The following ANAPC4 variants were observed in gnomAD, a reference collection of about 807,000 sequenced individuals.
The protein encoded by ANAPC4 is anaphase-promoting complex subunit 4.
Under a neutral mutation model 119.8 loss-of-function variants are expected in ANAPC4, and 63 were observed. The observed-to-expected ratio is 0.53, with a 90% CI of 0.43 to 0.65. The LOEUF (loss-of-function observed/expected upper bound fraction) is 0.65. Ranked by LOEUF, ANAPC4 falls within the 30% of genes least tolerant of loss-of-function variation. ANAPC4 has a pLI of 0.00. For synonymous variants in ANAPC4, 283 were observed against 318.6 expected (o/e 0.89, Z 1.19); for missense variants, 716 against 945.1 (o/e 0.76, Z 3.18).
intron 13 of ANAPC4, 32 bp from the exon 14 acceptor site, chr4:25,394,797 G>A (rs1722547769): frequency 1.0e-5 from 16 of 1,597,136 alleles, no homozygotes; most frequent in Non-Finnish European, 1.4e-5. Flanking sequence ...TATCCTGATT[G>A]TATGCTAAAT....
At position 25,383,400 on chromosome 4, in the gene ANAPC4, A is replaced by G. The variant is rs753691993; in HGVS notation, c.368+7A>G. The G allele has an allele frequency of 1.3e-5, 20 of 1,598,012 alleles. No homozygotes were observed. Among genetic ancestry groups the G allele is most frequent in the Non-Finnish European group, 1.5e-5 (18 of 1,174,878 alleles). ...AAGTGACAGTAGAAAGCAGGTAATT[A>G]GAAAAACTTATGTAGTCATAGGGTA... On this transcript the variant is annotated splice_region_variant and intron_variant, in intron 4 of 28. Transcript: ENST00000315368.
intron 21 of ANAPC4, 119 bp downstream of exon 21, chr4:25,409,910 C>T (rs41267449): frequency 0.018 from 11,890 of 647,386 alleles, 144 homozygotes; most frequent in South Asian, 0.025. Flanking sequence ...GTTTATTAGA[C>T]TTATATTTAT....
chr4:25,403,927 A>G (rs1370179582), intron 17 of ANAPC4, among the ~76,000 whole-genome samples: 1 of 152,258 alleles, frequency 6.6e-6, no homozygotes, highest in Non-Finnish European at 1.5e-5. Flanking sequence ...TTCACTCTGC[A>G]GTATATGCAT....
chr4:25,393,256 A>G (rs552721560), intron 10 of ANAPC4, among the ~76,000 whole-genome samples: 1 of 152,214 alleles, frequency 6.6e-6, no homozygotes, highest in African/African-American at 2.4e-5. Context: ...TATTTGTTTC[A>G]CCAGATAAAA....
At chr4:25,394,547 A>AATTTTTTG in intron 12 of ANAPC4, 124 bp from the exon 13 acceptor site, 1 of 1,160,816 alleles carries the variant, frequency 8.6e-7, no homozygotes, top group South Asian at 1.6e-5. Flanking sequence ...ACATGCGTAG[A>AATTTTTTG]ATTTTTTGTG....
intron 8 of ANAPC4, among the ~76,000 whole-genome samples, chr4:25,390,464 A>G (rs1722286140): frequency 1.3e-5 from 2 of 152,132 alleles, no homozygotes; most frequent in African/African-American, 4.8e-5. Flanking sequence ...GATTAGTATG[A>G]TACACTTGAT....
chr4:25,416,703 T>A, intron 27 of ANAPC4, 105 bp downstream of exon 27: 1 of 940,486 alleles, frequency 1.1e-6, no homozygotes, highest in Non-Finnish European at 1.5e-6. Flanking sequence ...ATTTCGTTAC[T>A]AGAGATAACC....
intron 9 of ANAPC4, among the ~76,000 whole-genome samples, chr4:25,391,448 G>A (rs1722341234): frequency 6.6e-6 from 1 of 152,180 alleles, no homozygotes; most frequent in South Asian, 2.1e-4. Context: ...GTAAGTACAT[G>A]GACACACAAA....
At chr4:25,396,295 T>G (rs1240876457) in intron 14 of ANAPC4, among the ~76,000 whole-genome samples, 2 of 152,214 alleles carry the variant, frequency 1.3e-5, no homozygotes, top group Non-Finnish European at 2.9e-5. Context: ...TTCACCGTTA[T>G]GTCCCCAGTA....
At chr4:25,380,537 A>C in intron 3 of ANAPC4, 58 bp downstream of exon 3, 1 of 1,293,562 alleles carries the variant, frequency 7.7e-7, no homozygotes, top group Non-Finnish European at 1.1e-6. Flanking sequence ...TATTCTGTAA[A>C]GCCCATTTTC....
At chr4:25,380,595 T>C in intron 3 of ANAPC4, 116 bp downstream of exon 3, 1 of 603,646 alleles carries the variant, frequency 1.7e-6, no homozygotes, top group Non-Finnish European at 2.5e-6. Flanking sequence ...TAAATATCAC[T>C]TTGGGAACTT....
intron 20 of ANAPC4, among the ~76,000 whole-genome samples, chr4:25,408,364 C>T (rs1042963000): frequency 1.3e-5 from 2 of 152,082 alleles, no homozygotes; most frequent in African/African-American, 4.8e-5. Context: ...TAACATCCTG[C>T]TTTGGTCATT....
chr4:25,409,827 G>A (rs750576550), intron 21 of ANAPC4, 36 bp downstream of exon 21: 3 of 1,533,576 alleles, frequency 2.0e-6, no homozygotes. Context: ...GGCCATTTTT[G>A]TTTTTATTTA....
intron 20 of ANAPC4, among the ~76,000 whole-genome samples, chr4:25,408,089 GT>G (rs1723361113): frequency 6.6e-6 from 1 of 152,280 alleles, no homozygotes; most frequent in East Asian, 1.9e-4. Flanking sequence ...CATTCAGTCT[GT>G]TTCGATATGT....
chr4:25,383,007 C>T (rs1009412704), intron 3 of ANAPC4, among the ~76,000 whole-genome samples: 5 of 152,142 alleles, frequency 3.3e-5, no homozygotes, highest in African/African-American at 4.8e-5. Flanking sequence ...ATGTGTAAGA[C>T]GTTAAGTGTG....
At chr4:25,387,580 A>G (rs931646517) in intron 4 of ANAPC4, among the ~76,000 whole-genome samples, 4 of 152,230 alleles carry the variant, frequency 2.6e-5, no homozygotes, top group Non-Finnish European at 4.4e-5. Flanking sequence ...TATTCCCAAC[A>G]TACTTTCTAC....
At chr4:25,414,896 A>G (rs1466122369) in intron 25 of ANAPC4, among the ~76,000 whole-genome samples, 196 bp downstream of exon 25, 1 of 151,902 alleles carries the variant, frequency 6.6e-6, no homozygotes, top group Non-Finnish European at 1.5e-5. Flanking sequence ...AGATTATTTA[A>G]TTTTTATTGG....
chr4:25,403,113 A>G (rs572418136), intron 17 of ANAPC4, 87 bp downstream of exon 17: 21 of 1,021,220 alleles, frequency 2.1e-5, no homozygotes, highest in African/African-American at 5.0e-5. Flanking sequence ...TAAATCTAGT[A>G]CAATTTCAAA....
intron 2 of ANAPC4, among the ~76,000 whole-genome samples, chr4:25,378,623 G>T (rs561625459): frequency 6.6e-6 from 1 of 152,338 alleles, no homozygotes; most frequent in South Asian, 2.1e-4. Context: ...CTCAGTGAAG[G>T]AAGAAGCAAG....
Sources: gnomAD v4.1 joint callset for allele counts (sites outside exome capture counted in the v4.1 genomes callset) on GRCh38, gnomAD v4.1.1 for gene constraint, MANE v1.5 for transcripts, NCBI Gene and HGNC (gene_info 2026-07-23, HGNC 2026-07-21) for gene names.